The following GPC6 variants were observed in gnomAD, a reference collection of about 807,000 sequenced individuals.
GPC6 encodes glypican 6.
In GPC6, 14 loss-of-function variants were observed where a neutral mutation model predicts 55.2. The ratio of observed to expected loss-of-function variants is 0.25; its 90% CI spans 0.17 to 0.40. The LOEUF is 0.40. Ranked by LOEUF, GPC6 falls within the 10% of genes least tolerant of loss-of-function variation. The probability of loss-of-function intolerance (pLI) is 1.00; values close to 1 mark genes in which losing one functional copy is unlikely to be tolerated. For synonymous variants in GPC6, 278 were observed against 259.6 expected (o/e 1.07, Z -0.68); for missense variants, 641 against 708.5 (o/e 0.90, Z 1.08).
Position 94,306,199 on chromosome 13 carries a change from T to G in GPC6, c.1152+76T>G, listed in dbSNP as rs540185320. 43 of 1,534,418 alleles carry G rather than the reference T, an allele frequency of 2.8e-5. No homozygotes were observed. The African/African-American group carries it at 5.6e-4, about 20-fold the overall frequency. Reference sequence around the variant, plus strand: ...TCATTCTTTGAAACTCCCAGGAGATTCTGGAAAAGTTTGTTATAAGAGTCA... The same window carrying G: ...TCATTCTTTGAAACTCCCAGGAGATGCTGGAAAAGTTTGTTATAAGAGTCA... On this transcript the variant is annotated intron_variant, in intron 6 of 8. Coordinates refer to ENST00000377047, the MANE Select transcript of GPC6 (RefSeq NM_005708.5).
At chr13:93,342,588 G>C (rs1386449237) in intron 1 of GPC6, among the ~76,000 whole-genome samples, 1 of 152,170 alleles carries the variant, frequency 6.6e-6, no homozygotes, top group Non-Finnish European at 1.5e-5. Flanking sequence ...ATGAGACTTG[G>C]GTGGGGGAAC....
At chr13:93,578,131 T>C (rs1876753744) in intron 2 of GPC6, among the ~76,000 whole-genome samples, 1 of 152,170 alleles carries the variant, frequency 6.6e-6, no homozygotes, top group South Asian at 2.1e-4. Flanking sequence ...TTTGCTTCTA[T>C]GTTCATCAAT....
At chr13:93,773,763 T>C (rs539871710) in intron 2 of GPC6, among the ~76,000 whole-genome samples, 3 of 152,276 alleles carry the variant, frequency 2.0e-5, no homozygotes, top group Non-Finnish European at 4.4e-5. Flanking sequence ...GTCTCTGCTG[T>C]TTAGACTTTA....
intron 2 of GPC6, among the ~76,000 whole-genome samples, chr13:93,553,672 G>C (rs1252473995): frequency 2.1e-5 from 3 of 140,322 alleles, no homozygotes; most frequent in Non-Finnish European, 4.5e-5. Flanking sequence ...TCCAGCCTGG[G>C]TGACAAAGCG....
intron 3 of GPC6, among the ~76,000 whole-genome samples, chr13:93,948,051 G>T (rs1050839061): frequency 6.6e-6 from 1 of 151,962 alleles, no homozygotes; most frequent in Non-Finnish European, 1.5e-5. Context: ...CCAATAATAA[G>T]AATATATTTC....
chr13:93,373,292 T>C (rs1199809125), intron 1 of GPC6, among the ~76,000 whole-genome samples: 1 of 152,306 alleles, frequency 6.6e-6, no homozygotes, highest in East Asian at 1.9e-4. Flanking sequence ...AAGGAGCACA[T>C]TTCAGATCAT....
At chr13:94,199,570 T>C (rs1566534728) in intron 4 of GPC6, among the ~76,000 whole-genome samples, 1 of 152,202 alleles carries the variant, frequency 6.6e-6, no homozygotes, top group East Asian at 1.9e-4. Flanking sequence ...CATCCTTCTC[T>C]ACCACTTGTT....
At chr13:93,352,961 T>G (rs1880684283) in intron 1 of GPC6, among the ~76,000 whole-genome samples, 2 of 152,152 alleles carry the variant, frequency 1.3e-5, no homozygotes, top group Non-Finnish European at 2.9e-5. Flanking sequence ...CTCCAGGTGA[T>G]TTATACAAAC....
chr13:93,542,651 C>T (rs958074146), intron 1 of GPC6, among the ~76,000 whole-genome samples: 1 of 152,162 alleles, frequency 6.6e-6, no homozygotes, highest in African/African-American at 2.4e-5. Flanking sequence ...TCTTCCTACC[C>T]ATGAGCATGG....
At chr13:93,253,324 C>T (rs1876849478) in intron 1 of GPC6, among the ~76,000 whole-genome samples, 1 of 152,160 alleles carries the variant, frequency 6.6e-6, no homozygotes, top group South Asian at 2.1e-4. Context: ...ATAAATTGTG[C>T]TTCTGGAATG....
At chr13:93,822,025 C>CATG (rs10662546) in intron 2 of GPC6, among the ~76,000 whole-genome samples, 1 of 150,958 alleles carries the variant, frequency 6.6e-6, no homozygotes, top group Non-Finnish European at 1.5e-5. Context: ...TACATATATA[C>CATG]ATAATATGTA....
At chr13:93,955,072 C>G (rs963803476) in intron 3 of GPC6, among the ~76,000 whole-genome samples, 4 of 152,080 alleles carry the variant, frequency 2.6e-5, no homozygotes, top group Non-Finnish European at 4.4e-5. Context: ...GAGAAAGGCC[C>G]CTTCTGTGCC....
chr13:93,741,395 G>A (rs537963926), intron 2 of GPC6, among the ~76,000 whole-genome samples: 7 of 152,166 alleles, frequency 4.6e-5, no homozygotes, highest in South Asian at 4.1e-4. Flanking sequence ...GATTACAGGC[G>A]TGAGCCACCG....
chr13:93,459,072 T>A (rs1185445409), intron 1 of GPC6, among the ~76,000 whole-genome samples: 7 of 152,214 alleles, frequency 4.6e-5, no homozygotes, highest in African/African-American at 1.7e-4. Flanking sequence ...ATTATTATTA[T>A]TTTTGAGACA....
chr13:94,238,425 C>G (rs917742938), intron 4 of GPC6, among the ~76,000 whole-genome samples: 1 of 151,968 alleles, frequency 6.6e-6, no homozygotes, highest in Admixed American at 6.6e-5. Context: ...GCACATGAGA[C>G]CAGAGGTGGA....
At chr13:94,121,148 A>G (rs1017368118) in intron 4 of GPC6, among the ~76,000 whole-genome samples, 12 of 152,062 alleles carry the variant, frequency 7.9e-5, no homozygotes, top group African/African-American at 2.2e-4. Flanking sequence ...ACCTCTTTCA[A>G]CAGGTCCCTT....
chr13:94,324,669 A>AG (rs993320643), intron 6 of GPC6, among the ~76,000 whole-genome samples: 21 of 151,544 alleles, frequency 1.4e-4, no homozygotes, highest in African/African-American at 4.9e-4. Context: ...CACAGAGATA[A>AG]GGGACTGAGG....
intron 8 of GPC6, among the ~76,000 whole-genome samples, chr13:94,401,152 G>C (rs927006184): frequency 6.6e-6 from 1 of 152,188 alleles, no homozygotes; most frequent in African/African-American, 2.4e-5. Context: ...ACTGCCCAAA[G>C]CACATTTATT....
At chr13:93,969,147 A>G (rs564404770) in intron 3 of GPC6, among the ~76,000 whole-genome samples, 4 of 152,286 alleles carry the variant, frequency 2.6e-5, no homozygotes, top group South Asian at 4.1e-4. Context: ...CTTCCCAGCT[A>G]TGTTCTACTT....
Sources: allele counts gnomAD v4.1 joint callset (sites outside exome capture counted in the v4.1 genomes callset), GRCh38; gene constraint gnomAD v4.1.1; transcripts MANE v1.5; gene names NCBI Gene and HGNC (gene_info 2026-07-23, HGNC 2026-07-21).